CNNM1: variants seen among roughly 807,000 people sequenced by gnomAD.
The protein encoded by CNNM1 is cyclin and CBS domain divalent metal cation transport mediator 1, also known as metal transporter CNNM1.
In CNNM1, 44 loss-of-function variants were observed where a neutral mutation model predicts 78.8. The ratio of observed to expected loss-of-function variants is 0.56; its 90% CI spans 0.44 to 0.72. CNNM1 has a LOEUF of 0.72. Ranked by LOEUF, CNNM1 falls within the 30% of genes least tolerant of loss-of-function variation. CNNM1 has a pLI of 0.00. For missense variants in CNNM1, 1,101 were observed against 1,292.2 expected, an observed-to-expected ratio of 0.85 and a Z score of 2.27; for synonymous variants, 584 against 581.5, an observed-to-expected ratio of 1.00 and a Z score of -0.06.
chr10:99,338,351 A>G (rs1316960166), intron 1 of CNNM1, among the ~76,000 whole-genome samples: 1 of 145,874 alleles, frequency 6.9e-6, no homozygotes, highest in Non-Finnish European at 1.5e-5. Flanking sequence ...GCTGGAGTGC[A>G]GTGGTGTGAT....
rs2032497866 is a variant in CNNM1, at chr10:99,392,381, A to T, written c.*865A>T. On this transcript the variant is annotated 3_prime_UTR_variant, in exon 11 of 11. Coordinates refer to ENST00000356713, the MANE Select transcript of CNNM1 (RefSeq NM_020348.3). ...AAAACAAACAAAACTTACATGGAAA[A>T]ACTGTAAGTGCTGAAAGCAAGTTTA... 6.5e-6 allele frequency: 1 copy of T among 152,680 alleles called. No homozygotes were observed. The allele number at this position is 152,680 out of a possible 1,614,324, so 9.5% of individuals were successfully genotyped here.
intron 6 of CNNM1, among the ~76,000 whole-genome samples, chr10:99,374,800 A>G (rs1173481647): frequency 1.3e-5 from 2 of 152,244 alleles, no homozygotes; most frequent in Non-Finnish European, 2.9e-5. Context: ...TGGGTGTACA[A>G]TGAGGATAAC....
At chr10:99,364,827 C>A in intron 5 of CNNM1, 128 bp from the exon 6 acceptor site, 2 of 835,762 alleles carry the variant, frequency 2.4e-6, no homozygotes, top group Non-Finnish European at 3.7e-6. Context: ...TGTTCCCTAC[C>A]CTTCCATTTA....
intron 1 of CNNM1, among the ~76,000 whole-genome samples, chr10:99,338,488 G>A (rs899208993): frequency 1.3e-5 from 2 of 151,876 alleles, no homozygotes; most frequent in Non-Finnish European, 2.9e-5. Flanking sequence ...CGTGTTGCCC[G>A]GGGTGGTCTC....
At chr10:99,363,904 C>G (rs2031521601) in intron 4 of CNNM1, among the ~76,000 whole-genome samples, 1 of 151,978 alleles carries the variant, frequency 6.6e-6, no homozygotes, top group Non-Finnish European at 1.5e-5. Context: ...ACCACCACAC[C>G]CAGCTAATTT....
rs868344490 is a variant in CNNM1 at position 99,364,415 on chromosome 10, A to C, written c.2029-2A>C. ...AGTACACTTCCTTTTTTTTTTTTCCAGGGTAAAGTGGAGGTGGAGGTTGGT... is the reference window on the plus strand; with the variant it reads ...AGTACACTTCCTTTTTTTTTTTTCCCGGGTAAAGTGGAGGTGGAGGTTGGT... On this transcript the variant is annotated splice_acceptor_variant, in intron 4 of 10. Coordinates refer to ENST00000356713, the MANE Select transcript of CNNM1 (RefSeq NM_020348.3). LOFTEE classifies it high-confidence loss of function. 6.3e-7 allele frequency: 1 copy of C among 1,579,990 alleles called. No individual in the cohort carries two copies. The highest frequency in any genetic ancestry group is 8.6e-7 in the Non-Finnish European group (1 of 1,165,660).
intron 7 of CNNM1, among the ~76,000 whole-genome samples, chr10:99,380,019 CTCTTT>C (rs1425584763): frequency 1.7e-5 from 2 of 116,710 alleles, no homozygotes; most frequent in Non-Finnish European, 1.7e-5. Flanking sequence ...AGTAAACTCT[CTCTTT>C]TTTTTTTTTT....
chr10:99,343,352 T>TA (rs1221913163), intron 1 of CNNM1, among the ~76,000 whole-genome samples: 1 of 152,208 alleles, frequency 6.6e-6, no homozygotes, highest in Non-Finnish European at 1.5e-5. Context: ...GCAAAGGCGT[T>TA]ATGTTTATTT....
At chr10:99,388,719 G>A (rs2032381732) in intron 9 of CNNM1, among the ~76,000 whole-genome samples, 1 of 152,054 alleles carries the variant, frequency 6.6e-6, no homozygotes, top group Non-Finnish European at 1.5e-5. Context: ...TACATAAAAG[G>A]CATATTACAG....
At chr10:99,343,637 C>T (rs2030551321) in intron 1 of CNNM1, among the ~76,000 whole-genome samples, 1 of 152,176 alleles carries the variant, frequency 6.6e-6, no homozygotes, top group African/African-American at 2.4e-5. Flanking sequence ...ACTCAGATCC[C>T]AGCACCTTCG....
intron 7 of CNNM1, among the ~76,000 whole-genome samples, chr10:99,386,329 T>G (rs2032303806): frequency 1.3e-5 from 2 of 152,172 alleles, no homozygotes; most frequent in Admixed American, 6.5e-5. Flanking sequence ...TTGCTAAAAA[T>G]GCAAATTCTC....
chr10:99,331,994 G>A (rs565920152), intron 1 of CNNM1, among the ~76,000 whole-genome samples: 47 of 152,164 alleles, frequency 3.1e-4, no homozygotes, highest in Non-Finnish European at 5.9e-4. Context: ...TTCAGAAAGT[G>A]CCTTCTGGTG....
At position 99,330,207 on chromosome 10, in the gene CNNM1, G is replaced by T; in HGVS notation, c.820G>T (p.Ala274Ser). ...AEQEQARRVQ[A>S]VRGRGTHLLC... is the part of the protein sequence containing the mutation. ...GCAGGAGCAGGCGCGCCGCGTGCAG[G>T]CCGTTCGCGGCAGGGGGACCCATCT... Residue 274 changes from alanine (A) to serine (S), a missense_variant, in exon 1 of 11, where the codon GCC becomes TCC. By Grantham distance (99) the Ala-to-Ser change is moderately conservative. Transcript: ENST00000356713. 1 of 1,512,076 alleles carries T rather than the reference G, an allele frequency of 6.6e-7. No individual in the cohort carries two copies. 93.7% of individuals were successfully genotyped at this position (1,512,076 alleles called of 1,614,324 possible).
At chr10:99,365,293 G>C (rs565549631) in intron 6 of CNNM1, among the ~76,000 whole-genome samples, 1 of 152,342 alleles carries the variant, frequency 6.6e-6, no homozygotes, top group Admixed American at 6.5e-5. Context: ...AGTGAATGCA[G>C]GCAGGTGATT....
intron 1 of CNNM1, among the ~76,000 whole-genome samples, chr10:99,356,631 G>GAAAGAAAAGA (rs1564947580): frequency 3.1e-4 from 44 of 142,542 alleles, no homozygotes; most frequent in African/African-American, 1.1e-3. Context: ...GAAAAGAAAA[G>GAAAGAAAAGA]AAAGAAAGAA....
Position 99,362,248 on chromosome 10 carries a change from T to C in CNNM1, c.1880T>C (p.Leu627Pro). ...MATEVEPFKS[L>P]YLSEKILLRL... is the part of the protein sequence containing the mutation. ...CTAGAAGTGGAGCCCTTTAAGTCTCTGTACCTTTCGGAGAAGATCCTGCTC... is the reference window on the plus strand; with the variant it reads ...CTAGAAGTGGAGCCCTTTAAGTCTCCGTACCTTTCGGAGAAGATCCTGCTC... The change falls in exon 4 of 11, where the codon CTG becomes CCG. Residue 627 changes from leucine (L) to proline (P), a missense_variant. Physicochemically the swap from Leu to Pro is moderately conservative, Grantham distance 98. Coordinates refer to ENST00000356713, the MANE Select transcript of CNNM1 (RefSeq NM_020348.3). 2 of 1,613,432 alleles carry C rather than the reference T, an allele frequency of 1.2e-6. No homozygotes were observed. Among genetic ancestry groups the C allele is most frequent in the Non-Finnish European group, 1.7e-6 (2 of 1,179,642 alleles).
rs570644712 is a variant in CNNM1 at position 99,378,607 on chromosome 10, G to A, written c.2340+1389G>A. 8.5e-5 allele frequency among the ~76,000 whole-genome samples: 13 copies of A among 152,334 alleles called. No individual in the cohort carries two copies. In the South Asian group the frequency reaches 2.5e-3, roughly 29 times the overall value. On this transcript the variant is annotated intron_variant, in intron 7 of 10. Coordinates refer to ENST00000356713, the MANE Select transcript of CNNM1 (RefSeq NM_020348.3). ...GAGGGAGGGATGGAACCTGGGGGAT[G>A]GGGTGAGACAATAACTATTTTTTTG...
chr10:99,368,770 A>C, intron 6 of CNNM1: 1 of 901,130 alleles, frequency 1.1e-6, no homozygotes, highest in Non-Finnish European at 1.6e-6. Context: ...CATGAGAACT[A>C]ATCACTCCAA....
At chr10:99,364,860 A>G (rs575650159) in intron 5 of CNNM1, 95 bp from the exon 6 acceptor site, 1 of 1,183,246 alleles carries the variant, frequency 8.5e-7, no homozygotes, top group Admixed American at 2.2e-5. Context: ...TTACAGGGTT[A>G]ATTGGTGCTG....
Sources: gnomAD v4.1 joint callset for allele counts (sites outside exome capture counted in the v4.1 genomes callset) on GRCh38, gnomAD v4.1.1 for gene constraint, MANE v1.5 for transcripts, NCBI Gene and HGNC (gene_info 2026-07-23, HGNC 2026-07-21) for gene names.